Variants in ZMYM2 observed in about 807,000 individuals in gnomAD.
The protein encoded by ZMYM2 is zinc finger MYM-type protein 2.
In ZMYM2, 56 loss-of-function variants were observed where a neutral mutation model predicts 162.8. That is an observed-to-expected ratio of 0.34 (90% CI 0.28 to 0.43). The LOEUF is 0.43. ZMYM2 is among the 20% of genes least tolerant of loss of function. The pLI is 1.00. For synonymous variants in ZMYM2, 510 were observed against 541.6 expected (o/e 0.94, Z 0.81); for missense variants, 1,275 against 1,621.8 (o/e 0.79, Z 3.67).
At chr13:20,059,349 A>G in intron 15 of ZMYM2, 98 bp from the exon 16 acceptor site, 2 of 1,211,636 alleles carry the variant, frequency 1.7e-6, no homozygotes, top group South Asian at 1.4e-5. Context: ...AAAGGTACTG[A>G]GGTAGTTAAA....
At chr13:20,006,214 T>C (rs371662611) in intron 5 of ZMYM2, among the ~76,000 whole-genome samples, 160 bp from the exon 6 acceptor site, 1 of 147,634 alleles carries the variant, frequency 6.8e-6, no homozygotes, top group South Asian at 2.2e-4. Flanking sequence ...GCCTGGGTAA[T>C]GAGTGAGACC....
chr13:20,073,621 T>C (rs1957251047), intron 21 of ZMYM2, among the ~76,000 whole-genome samples: 1 of 152,242 alleles, frequency 6.6e-6, no homozygotes, highest in Admixed American at 6.5e-5. Flanking sequence ...AAATTTTCTC[T>C]AAAACTAGTT....
the ZMYM2 span, among the ~76,000 whole-genome samples, chr13:19,901,092 A>G: frequency 6.6e-6 from 1 of 151,846 alleles, no homozygotes; most frequent in African/African-American, 2.4e-5. Flanking sequence ...GGTGGCAGGG[A>G]GAGAGAGAGA....
At chr13:20,020,513 C>T (rs184958221) in intron 7 of ZMYM2, among the ~76,000 whole-genome samples, 146 of 152,198 alleles carry the variant, frequency 9.6e-4, no homozygotes, top group East Asian at 5.8e-4. Flanking sequence ...CGTGAGCCAC[C>T]GCGCCCGGCC....
chr13:19,882,887 C>A, the ZMYM2 span, among the ~76,000 whole-genome samples: 1 of 152,116 alleles, frequency 6.6e-6, no homozygotes, highest in Non-Finnish European at 1.5e-5. Flanking sequence ...TTTGACCCAG[C>A]AATTCATTCC....
the ZMYM2 span, chr13:19,864,722 C>T: frequency 6.6e-6 from 1 of 152,336 alleles, no homozygotes; most frequent in Non-Finnish European, 1.5e-5. Flanking sequence ...TGGAGGCTCC[C>T]TCCACAGCCC....
Position 20,067,381 on chromosome 13 carries a change from A to G in ZMYM2, c.3444A>G (p.Gly1148=). The G allele has an allele frequency of 6.2e-7, 1 of 1,605,406 alleles. No homozygotes were observed. The highest frequency in any genetic ancestry group is 1.1e-5 in the South Asian group (1 of 89,508). ...APDSIYYLCL[G]IQEYLCGSNR... is the part of the protein sequence containing the mutation. ...ACAGCATCTATTACCTTTGCCTTGG[A>G]ATACAGGAGGTTAGTAATTTGATGG... Residue 1148 remains glycine, a synonymous_variant, in exon 21 of 25, where the codon GGA becomes GGG. Coordinates refer to ENST00000610343, the MANE Select transcript of ZMYM2 (RefSeq NM_197968.4).
chr13:19,959,367 G>T (rs1954916842), intron 1 of ZMYM2, among the ~76,000 whole-genome samples: 1 of 152,278 alleles, frequency 6.6e-6, no homozygotes, highest in South Asian at 2.1e-4. Context: ...TGCTGCCTCT[G>T]CTCCGCCGGG....
At chr13:19,883,019 G>A in the ZMYM2 span, among the ~76,000 whole-genome samples, 1 of 152,200 alleles carries the variant, frequency 6.6e-6, no homozygotes, top group East Asian at 1.9e-4. Context: ...ATTAATGGAC[G>A]AAAGGATAAA....
chr13:19,989,326 C>G (rs754886938), intron 2 of ZMYM2, among the ~76,000 whole-genome samples: 6 of 152,076 alleles, frequency 3.9e-5, no homozygotes, highest in Non-Finnish European at 7.3e-5. Context: ...CTTTTTGAGA[C>G]AGAGTCTCAC....
the ZMYM2 span, among the ~76,000 whole-genome samples, chr13:19,927,645 T>G: frequency 6.6e-6 from 1 of 152,204 alleles, no homozygotes; most frequent in African/African-American, 2.4e-5. Flanking sequence ...AATGCATGTG[T>G]TTCTCAAGTT....
chr13:20,073,432 A>G (rs1390430901), intron 21 of ZMYM2, among the ~76,000 whole-genome samples: 1 of 152,208 alleles, frequency 6.6e-6, no homozygotes, highest in East Asian at 1.9e-4. Context: ...CTAGGTCTGT[A>G]TAGTTGGCCT....
the ZMYM2 span, among the ~76,000 whole-genome samples, chr13:19,926,104 G>A: frequency 6.6e-6 from 1 of 151,244 alleles, no homozygotes; most frequent in African/African-American, 2.4e-5. Context: ...GGGATTACAG[G>A]TGCCCGTCAC....
chr13:20,061,175 G>T lies in ZMYM2; in HGVS notation c.2862G>T (p.Thr954=). 3.1e-6 allele frequency: 5 copies of T among 1,613,722 alleles called. No individual in the cohort carries two copies. The highest frequency in any genetic ancestry group is 4.2e-6 in the Non-Finnish European group (5 of 1,179,810). Residue 954 remains threonine (T), a synonymous_variant, in exon 17 of 25, where the codon ACG becomes ACT. Transcript: ENST00000610343. ...DALDTELLTM[T]DMMSEDEGKT... ...TTGATACAGAGTTGCTTACAATGAC[G>T]GATATGATGAGTGAAGACGAGGGGA... is the stretch of plus-strand genomic sequence containing the variant.
At chr13:19,916,177 G>A in the ZMYM2 span, among the ~76,000 whole-genome samples, 6 of 151,816 alleles carry the variant, frequency 4.0e-5, no homozygotes, top group Non-Finnish European at 8.8e-5. Context: ...ACACTTTTAC[G>A]CCAGTTAGAA....
chr13:19,975,058 A>G (rs1956662913), intron 2 of ZMYM2, among the ~76,000 whole-genome samples: 1 of 151,690 alleles, frequency 6.6e-6, no homozygotes, highest in Admixed American at 6.6e-5. Flanking sequence ...ATTGTGGTTT[A>G]TCTCATTGAT....
intron 6 of ZMYM2, among the ~76,000 whole-genome samples, chr13:20,009,990 T>A (rs1201828516): frequency 1.3e-5 from 2 of 152,206 alleles, no homozygotes; most frequent in African/African-American, 4.8e-5. Flanking sequence ...GTCAAACTAT[T>A]TTACACAACC....
chr13:20,026,086 G>A lies in ZMYM2; in HGVS notation c.1585-526G>A, dbSNP rs536002951. ...CAAAAAAATTTTTTTATTTTATTGT[G>A]GTTTAATGAGATTTCAAATGTAGTA... is the stretch of plus-strand genomic sequence containing the variant. On this transcript the variant is annotated intron_variant, in intron 7 of 24. Transcript: ENST00000610343. 2.0e-5 allele frequency: 3 copies of A among 151,818 alleles called. No individual in the cohort carries two copies. In the East Asian group the frequency reaches 5.8e-4, roughly 29 times the overall value. The allele number at this position is 151,818 out of a possible 1,614,324, so 9.4% of individuals were successfully genotyped here. A position where few individuals can be genotyped will look rare whatever the true frequency, so the allele number is the denominator to read the frequency against.
the ZMYM2 span, among the ~76,000 whole-genome samples, chr13:19,936,488 G>A: frequency 6.6e-6 from 1 of 152,134 alleles, no homozygotes; most frequent in African/African-American, 2.4e-5. Context: ...ATAGGAGACT[G>A]AGGCAGGCAG....
Sources: allele counts gnomAD v4.1 joint callset (sites outside exome capture counted in the v4.1 genomes callset), GRCh38; gene constraint gnomAD v4.1.1; transcripts MANE v1.5; gene names NCBI Gene and HGNC (gene_info 2026-07-23, HGNC 2026-07-21).